DOT1L: variants seen among roughly 807,000 people sequenced by gnomAD.
DOT1L encodes DOT1 like histone lysine methyltransferase.
In DOT1L, 33 loss-of-function variants were observed where a neutral mutation model predicts 153.3. The ratio of observed to expected loss-of-function variants is 0.22; its 90% CI spans 0.16 to 0.29. DOT1L has a LOEUF of 0.29. Ranked by LOEUF, DOT1L falls within the 10% of genes least tolerant of loss-of-function variation. The pLI, the probability that DOT1L is intolerant of heterozygous loss-of-function variation, is 1.00. For missense variants in DOT1L, 1,847 were observed against 2,119.9 expected (o/e 0.87, Z 2.53); for synonymous variants, 1,135 against 965.1 (o/e 1.18, Z -3.26).
intron 1 of DOT1L, among the ~76,000 whole-genome samples, chr19:2,177,197 CAT>C (rs974509275): frequency 6.0e-4 from 92 of 152,334 alleles, no homozygotes; most frequent in African/African-American, 2.1e-3. Flanking sequence ...GGGCACCCGA[CAT>C]GTGGCTGGCG....
At chr19:2,166,770 A>G (rs1357006925) in intron 1 of DOT1L, among the ~76,000 whole-genome samples, 1 of 152,186 alleles carries the variant, frequency 6.6e-6, no homozygotes, top group Non-Finnish European at 1.5e-5. Flanking sequence ...CGCTGGTTGC[A>G]GGGTACAGTT....
chr19:2,211,858 C>T lies in DOT1L; in HGVS notation c.1557+16C>T, dbSNP rs8113174. On this transcript the variant is annotated intron_variant, in intron 16 of 27. Transcript: ENST00000398665. ...CCAGGAGAAGGTGGGTCCTGGCCCC[C>T]TTGGCATTCCGCCTTCCCGCACAGA... 2,510 of 1,550,982 alleles carry T rather than the reference C, an allele frequency of 1.6e-3. 46 individuals are homozygous for T. In the African/African-American group the frequency reaches 0.032, roughly 20 times the overall value.
At chr19:2,169,437 TG>T (rs1415214855) in intron 1 of DOT1L, among the ~76,000 whole-genome samples, 1 of 152,134 alleles carries the variant, frequency 6.6e-6, no homozygotes, top group Non-Finnish European at 1.5e-5. Context: ...CAGGGGGTAC[TG>T]GGGCGGGGAA....
chr19:2,181,197 C>T (rs2022213935), intron 2 of DOT1L, among the ~76,000 whole-genome samples: 1 of 152,244 alleles, frequency 6.6e-6, no homozygotes. Flanking sequence ...TCTGCAGCAA[C>T]AGTGCAGGGA....
At chr19:2,219,189 T>G (rs1297690599) in intron 22 of DOT1L, among the ~76,000 whole-genome samples, 1 of 152,170 alleles carries the variant, frequency 6.6e-6, no homozygotes, top group Non-Finnish European at 1.5e-5. Context: ...GTATTTTTAA[T>G]AGAGGTGGAG....
chr19:2,180,733 T>C lies in DOT1L; in HGVS notation c.102T>C (p.Ala34=). The C allele has an allele frequency of 1.2e-6, 2 of 1,614,046 alleles. No individual in the cohort carries two copies. The highest frequency in any genetic ancestry group is 1.7e-6 in the Non-Finnish European group (2 of 1,179,992). The change falls in exon 2 of 28, where the codon GCT becomes GCC. Residue 34 remains alanine, a synonymous_variant. Coordinates refer to ENST00000398665, the MANE Select transcript of DOT1L (RefSeq NM_032482.3). ...LPVYDKHHDA[A]HEIIETIRWV... The stretch of plus-strand genomic sequence containing the variant: ...TTCAGGATAAACATCACGATGCTGC[T>C]CATGAAATCATCGAGACCATCCGGT...
At chr19:2,202,652 C>T in intron 8 of DOT1L, 48 bp from the exon 9 acceptor site, 10 of 1,582,870 alleles carry the variant, frequency 6.3e-6, no homozygotes, top group Non-Finnish European at 8.7e-6. Context: ...GGTGGCTGTG[C>T]CCGTGAGACG....
At chr19:2,178,911 ACTTT>A (rs2022092401) in intron 1 of DOT1L, among the ~76,000 whole-genome samples, 2 of 152,104 alleles carry the variant, frequency 1.3e-5, no homozygotes, top group Admixed American at 1.3e-4. Context: ...CACCGCACAG[ACTTT>A]CTATGTGGCT....
chr19:2,192,572 C>T (rs1317192133), intron 5 of DOT1L, among the ~76,000 whole-genome samples: 5 of 150,032 alleles, frequency 3.3e-5, no homozygotes, highest in African/African-American at 4.9e-5. Flanking sequence ...ACTTGGGAGG[C>T]TGAGGCAGGG....
Position 2,230,206 on chromosome 19 carries a change from C to T in DOT1L, c.*414C>T. 1 of 441,882 alleles carries T rather than the reference C, an allele frequency of 2.3e-6. No homozygotes were observed. 27.4% of individuals were successfully genotyped at this position (441,882 alleles called of 1,614,324 possible). A position where few individuals can be genotyped will look rare whatever the true frequency, so the allele number is the denominator to read the frequency against. Reference sequence around the variant, plus strand: ...CGCGCCTGCCTCCACCCGCTTGGTGCTGACTAGACGCTGACAACGCCGAAC... The same window carrying T: ...CGCGCCTGCCTCCACCCGCTTGGTGTTGACTAGACGCTGACAACGCCGAAC... On this transcript the variant is annotated 3_prime_UTR_variant, in exon 28 of 28. Transcript: ENST00000398665.
intron 27 of DOT1L, chr19:2,227,715 C>A (rs766404119): frequency 7.7e-7 from 1 of 1,304,914 alleles, no homozygotes; most frequent in East Asian, 5.6e-5. Context: ...GTTGAAGCTG[C>A]GTTTTTCTCT....
In DOT1L at chr19:2,220,058, G is replaced by T. The variant is rs777923346; in HGVS notation, c.2692-50G>T. ...CTCACTGTTTCCAGCTGGGTTCTGGGTCTCCTGGGGCACCTGCTGCCCCTG... is the reference window on the plus strand; with the variant it reads ...CTCACTGTTTCCAGCTGGGTTCTGGTTCTCCTGGGGCACCTGCTGCCCCTG... On this transcript the variant is annotated intron_variant, in intron 22 of 27. Transcript: ENST00000398665. The surrounding 1 kb of genome is among the most constrained non-coding windows in gnomAD (Gnocchi z 4.5). 1.3e-6 allele frequency: 2 copies of T among 1,529,904 alleles called. No homozygotes were observed. Among genetic ancestry groups the T allele is most frequent in the Non-Finnish European group, 8.9e-7 (1 of 1,124,688 alleles). 94.8% of individuals were successfully genotyped at this position (1,529,904 alleles called of 1,614,324 possible). A position where few individuals can be genotyped will look rare whatever the true frequency, so the allele number is the denominator to read the frequency against.
chr19:2,225,767 C>T (rs2024303605), intron 26 of DOT1L, among the ~76,000 whole-genome samples: 1 of 152,200 alleles, frequency 6.6e-6, no homozygotes, highest in Non-Finnish European at 1.5e-5. Flanking sequence ...GCTTTGCACC[C>T]TGGCCTTCCC....
At chr19:2,166,256 CCTG>C (rs1188838159) in intron 1 of DOT1L, among the ~76,000 whole-genome samples, 1 of 150,848 alleles carries the variant, frequency 6.6e-6, no homozygotes, top group Non-Finnish European at 1.5e-5. Context: ...GCCACCACAC[CCTG>C]CTAATTTTGT....
At chr19:2,216,251 G>T in intron 19 of DOT1L, 30 bp from the exon 20 acceptor site, 1 of 1,538,114 alleles carries the variant, frequency 6.5e-7, no homozygotes, top group African/African-American at 1.4e-5. Context: ...CCCCGGTGGG[G>T]CGGGCCTGAC....
chr19:2,170,716 T>C (rs2021570854), intron 1 of DOT1L, among the ~76,000 whole-genome samples: 2 of 152,102 alleles, frequency 1.3e-5, no homozygotes, highest in South Asian at 4.1e-4. Context: ...CTCGGCTTGA[T>C]TACATTGCCT....
rs746386683 is a variant in DOT1L, at chr19:2,226,832, C to T, written c.4311C>T (p.Ser1437=). The T allele has an allele frequency of 3.8e-6, 6 of 1,580,808 alleles. No individual in the cohort carries two copies. Among genetic ancestry groups the T allele is most frequent in the South Asian group, 1.1e-5 (1 of 88,068 alleles). ...CTGCGGCGGCCGTGCCTCCCGGAAG[C>T]CTCCTCAGCGGCCCCGGCCTGGCCC... is the stretch of plus-strand genomic sequence containing the variant. ...FISAAAVPPG[S]LLSGPGLAPA... is the part of the protein sequence containing the mutation. The change falls in exon 27 of 28, where the codon AGC becomes AGT. Residue 1437 remains serine, a synonymous_variant. Transcript: ENST00000398665.
chr19:2,209,025 T>C, intron 12 of DOT1L, 49 bp downstream of exon 12: 4 of 1,593,142 alleles, frequency 2.5e-6, no homozygotes, highest in Non-Finnish European at 3.4e-6. Flanking sequence ...CATGCACTGA[T>C]GTGGGGAAAT....
At chr19:2,169,292 G>C (rs2020040539) in intron 1 of DOT1L, among the ~76,000 whole-genome samples, 1 of 152,144 alleles carries the variant, frequency 6.6e-6, no homozygotes, top group Admixed American at 6.5e-5. Context: ...CTCCCCCGGA[G>C]GCAGATTAAC....
Sources: gnomAD v4.1 joint callset for allele counts (sites outside exome capture counted in the v4.1 genomes callset) on GRCh38, gnomAD v4.1.1 for gene constraint, Gnocchi (gnomAD v3.1) non-coding constraint, MANE v1.5 for transcripts, NCBI Gene and HGNC (gene_info 2026-07-23, HGNC 2026-07-21) for gene names.